Variants in PPP1R9A observed in about 807,000 individuals in gnomAD.
The protein encoded by PPP1R9A is protein phosphatase 1 regulatory subunit 9A.
A neutral mutation model predicts 141.9 loss-of-function variants in PPP1R9A; 59 were observed. That is an observed-to-expected ratio of 0.42 (90% CI 0.34 to 0.52). The LOEUF (loss-of-function observed/expected upper bound fraction) is 0.52, where lower values mean the gene tolerates loss of function less well. Ranked by LOEUF, PPP1R9A falls within the 20% of genes least tolerant of loss-of-function variation. The pLI is 0.10. For synonymous variants in PPP1R9A, 500 were observed against 569.7 expected (o/e 0.88, Z 1.74); for missense variants, 1,444 against 1,611.9 (o/e 0.90, Z 1.78).
Position 95,111,841 on chromosome 7 carries a change from G to A in PPP1R9A, c.1528+450G>A, listed in dbSNP as rs188505464. On this transcript the variant is annotated intron_variant, in intron 3 of 19. Coordinates refer to ENST00000433360, the MANE Select transcript of PPP1R9A (RefSeq NM_001166160.2). Reference sequence around the variant, plus strand: ...GGGCTACATCCTCTCCCCCTCTGAGGGGAGAAGGTTGAAAGAGAGCAGGGA... The same window carrying A: ...GGGCTACATCCTCTCCCCCTCTGAGAGGAGAAGGTTGAAAGAGAGCAGGGA... Among the ~76,000 whole-genome samples the A allele has an allele frequency of 3.0e-3, 454 of 152,160 alleles. 1 individual carries two copies. The highest frequency in any genetic ancestry group is 0.017 in the Middle Eastern group (5 of 292).
intron 2 of PPP1R9A, among the ~76,000 whole-genome samples, chr7:95,097,564 G>A (rs902441432): frequency 1.3e-5 from 2 of 152,054 alleles, no homozygotes; most frequent in East Asian, 1.9e-4. Context: ...ATTTCACATC[G>A]AGATATGATA....
intron 2 of PPP1R9A, among the ~76,000 whole-genome samples, chr7:95,022,243 G>A (rs1226719526): frequency 6.6e-6 from 1 of 152,060 alleles, no homozygotes; most frequent in Non-Finnish European, 1.5e-5. Context: ...ATTGTGAATG[G>A]GAGTTCACTC....
At chr7:95,061,182 A>G (rs1365815700) in intron 2 of PPP1R9A, among the ~76,000 whole-genome samples, 1 of 152,154 alleles carries the variant, frequency 6.6e-6, no homozygotes, top group East Asian at 1.9e-4. Context: ...AACACCTGGG[A>G]TTTTCTGAAC....
At chr7:95,090,928 C>T (rs1017170831) in intron 2 of PPP1R9A, among the ~76,000 whole-genome samples, 1 of 152,026 alleles carries the variant, frequency 6.6e-6, no homozygotes, top group Non-Finnish European at 1.5e-5. Flanking sequence ...AATCTTTTCA[C>T]ATACCAAATA....
Position 95,191,990 on chromosome 7 carries a change from T to G in PPP1R9A, c.1755-6359T>G, listed in dbSNP as rs115114261. The stretch of plus-strand genomic sequence containing the variant: ...TTGGTCACACATATTTAGGACTGAT[T>G]ATTGCTGACTATTGTTATATTTTTG... On this transcript the variant is annotated intron_variant, in intron 5 of 19. Transcript: ENST00000433360. 1.1e-3 allele frequency among the ~76,000 whole-genome samples: 168 copies of G among 152,210 alleles called. 1 individual carries two copies. Among genetic ancestry groups the G allele is most frequent in the African/African-American group, 3.9e-3 (162 of 41,574 alleles).
chr7:95,022,920 G>T (rs1367175040), intron 2 of PPP1R9A, among the ~76,000 whole-genome samples: 1 of 152,166 alleles, frequency 6.6e-6, no homozygotes, highest in Non-Finnish European at 1.5e-5. Context: ...TGTTCATCAG[G>T]AATATTGGCC....
intron 12 of PPP1R9A, among the ~76,000 whole-genome samples, chr7:95,260,698 G>C (rs1195932765): frequency 6.7e-6 from 1 of 148,242 alleles, no homozygotes; most frequent in African/African-American, 2.5e-5. Flanking sequence ...AAAAAAAGTT[G>C]CTTCAAGAGG....
intron 2 of PPP1R9A, among the ~76,000 whole-genome samples, chr7:95,039,633 G>A (rs1434340305): frequency 1.3e-5 from 2 of 151,790 alleles, no homozygotes; most frequent in Non-Finnish European, 2.9e-5. Context: ...TGCCTTCAGT[G>A]TATCAATAGA....
intron 2 of PPP1R9A, among the ~76,000 whole-genome samples, chr7:94,967,832 A>T (rs569749537): frequency 2.0e-5 from 3 of 152,260 alleles, no homozygotes; most frequent in Non-Finnish European, 4.4e-5. Flanking sequence ...ACTTCCAATT[A>T]TGTGGTCAAT....
At chr7:94,938,413 A>G (rs767839971) in intron 2 of PPP1R9A, among the ~76,000 whole-genome samples, 1 of 151,886 alleles carries the variant, frequency 6.6e-6, no homozygotes, top group Non-Finnish European at 1.5e-5. Context: ...TTACTGTTCA[A>G]TTTTTTGCCA....
At chr7:95,233,987 A>G (rs185144238) in intron 8 of PPP1R9A, among the ~76,000 whole-genome samples, 1 of 152,336 alleles carries the variant, frequency 6.6e-6, no homozygotes. Context: ...GCATCCCTTT[A>G]TGATGAAAAC....
chr7:94,985,531 G>A (rs1024194497), intron 2 of PPP1R9A, among the ~76,000 whole-genome samples: 1 of 152,074 alleles, frequency 6.6e-6, no homozygotes. Flanking sequence ...TATATATTTA[G>A]GATACTTAGC....
rs768027932 is a variant in PPP1R9A, at chr7:94,910,872, G to A, written c.759G>A (p.Lys253=). 3 of 1,613,840 alleles carry A rather than the reference G, an allele frequency of 1.9e-6. No homozygotes were observed. The highest frequency in any genetic ancestry group is 1.1e-5 in the South Asian group (1 of 91,090). Residue 253 remains lysine, a synonymous_variant, in exon 2 of 20, where the codon AAG becomes AAA. Coordinates refer to ENST00000433360, the MANE Select transcript of PPP1R9A (RefSeq NM_001166160.2). The surrounding 1 kb of genome is among the most constrained non-coding windows in gnomAD (Gnocchi z 4.5). Reference sequence around the variant, plus strand: ...ATCTTGACACATTTGGTCACCTGAAGGATTCTAATTCCTGGCCTCCTTCAA... The same window carrying A: ...ATCTTGACACATTTGGTCACCTGAAAGATTCTAATTCCTGGCCTCCTTCAA... The part of the protein sequence containing the change: ...VTNLDTFGHL[K]DSNSWPPSNK...
chr7:95,199,140 T>C (rs1313708298), intron 6 of PPP1R9A, among the ~76,000 whole-genome samples: 1 of 152,170 alleles, frequency 6.6e-6, no homozygotes, highest in Non-Finnish European at 1.5e-5. Context: ...TGAAAACAGC[T>C]CTCCAGAACC....
chr7:95,286,462 T>C (rs1805351889), intron 18 of PPP1R9A, 137 bp downstream of exon 18: 20 of 1,373,298 alleles, frequency 1.5e-5, no homozygotes, highest in Non-Finnish European at 1.8e-5. Context: ...ATTTGAAGTC[T>C]TCATGATTTC....
chr7:94,965,561 G>A (rs551928128), intron 2 of PPP1R9A, among the ~76,000 whole-genome samples: 15 of 152,060 alleles, frequency 9.9e-5, no homozygotes, highest in East Asian at 7.7e-4. Context: ...TCCCAACACC[G>A]TTTATTAAAT....
intron 2 of PPP1R9A, among the ~76,000 whole-genome samples, chr7:95,033,224 C>G (rs1026213307): frequency 2.0e-5 from 3 of 147,070 alleles, no homozygotes; most frequent in African/African-American, 7.6e-5. Context: ...CCGTGTTAGC[C>G]AGGATGGTCT....
rs889101194 is a variant in PPP1R9A at position 95,129,873 on chromosome 7, G to A, written c.1649+9041G>A. Among the ~76,000 whole-genome samples the A allele has an allele frequency of 2.0e-5, 3 of 152,134 alleles. No homozygotes were observed. The East Asian group carries it at 5.8e-4, about 29-fold the overall frequency. ...TGAGAGAGATGATGTAGGATATCTGGCATAAGAAATTTCTAAGCAGCAAAG... is the reference window on the plus strand; with the variant it reads ...TGAGAGAGATGATGTAGGATATCTGACATAAGAAATTTCTAAGCAGCAAAG... On this transcript the variant is annotated intron_variant, in intron 4 of 19. Coordinates refer to ENST00000433360, the MANE Select transcript of PPP1R9A (RefSeq NM_001166160.2).
In PPP1R9A at chr7:94,911,327, G is replaced by C. The variant is rs754367262; in HGVS notation, c.1214G>C (p.Arg405Thr). 4 of 1,613,986 alleles carry C rather than the reference G, an allele frequency of 2.5e-6. No homozygotes were observed. Among genetic ancestry groups the C allele is most frequent in the Non-Finnish European group, 3.4e-6 (4 of 1,180,014 alleles). ...ATGCACAGTGACTATAATGTGTATA[G>C]GGTGAGATCCAGGTATAATTCAGAC... ...VYMHSDYNVYRVRSRYNSDWG... is the reference protein window; with the variant it reads ...VYMHSDYNVYTVRSRYNSDWG... Residue 405 changes from arginine (R) to threonine (T), a missense_variant, in exon 2 of 20, where the codon AGG becomes ACG. This residue lies in a region of PPP1R9A where 490 missense variants were observed against 521.1 expected (regional missense o/e 0.94). Transcript: ENST00000433360.
Sources: gnomAD v4.1 joint callset for allele counts (sites outside exome capture counted in the v4.1 genomes callset) on GRCh38, gnomAD v4.1.1 for gene constraint, gnomAD v4.1.1 regional missense constraint, Gnocchi (gnomAD v3.1) non-coding constraint, MANE v1.5 for transcripts, NCBI Gene and HGNC (gene_info 2026-07-23, HGNC 2026-07-21) for gene names.